The following DICER1 variants were observed in gnomAD, a reference collection of about 807,000 sequenced individuals.
The protein encoded by DICER1 is dicer 1, ribonuclease III.
DICER1 carries 43 observed loss-of-function variants against 194.1 expected under a neutral mutation model. The ratio of observed to expected loss-of-function variants is 0.22; its 90% CI spans 0.17 to 0.29. DICER1 has a LOEUF of 0.29. Among genes scored for constraint, DICER1 ranks in the 10% least tolerant of loss-of-function variants. DICER1 has a pLI of 1.00. For missense variants in DICER1, 1,608 were observed against 2,317.0 expected (o/e 0.69, Z 6.28); for synonymous variants, 832 against 820.5 (o/e 1.01, Z -0.24).
chr14:95,149,471 C>T (rs1895369002), intron 1 of DICER1, among the ~76,000 whole-genome samples: 1 of 152,148 alleles, frequency 6.6e-6, no homozygotes, highest in Non-Finnish European at 1.5e-5. Context: ...CCCTAAAAAC[C>T]TCTATCACTT....
intron 21 of DICER1, among the ~76,000 whole-genome samples, chr14:95,102,425 C>T (rs980693650): frequency 1.3e-5 from 2 of 152,212 alleles, no homozygotes; most frequent in African/African-American, 4.8e-5. Context: ...GCATTCAAGG[C>T]CTTCCACGAT....
rs558719652 is a variant in DICER1 at position 95,113,653 on chromosome 14, A to G, written c.1908-429T>C. Among the ~76,000 whole-genome samples the G allele has an allele frequency of 3.3e-5, 5 of 152,332 alleles. No individual in the cohort carries two copies. The East Asian group carries it at 9.6e-4, about 29-fold the overall frequency. Reference sequence around the variant, plus strand: ...CATTTCCCACCAACTACCAGCACACATATAAGGAAGGCATCAGCAGAGGGC... The same window carrying G: ...CATTTCCCACCAACTACCAGCACACGTATAAGGAAGGCATCAGCAGAGGGC... On this transcript the variant is annotated intron_variant, in intron 11 of 26. Transcript: ENST00000343455.
chr14:95,110,487 C>A (rs1891860053), intron 14 of DICER1, among the ~76,000 whole-genome samples: 1 of 152,142 alleles, frequency 6.6e-6, no homozygotes, highest in African/African-American at 2.4e-5. Context: ...AATGTGCCAA[C>A]CCCACATAGA....
At position 95,086,803 on chromosome 14, in the gene DICER1, T is replaced by C. The variant is rs1298529990; in HGVS notation, c.*3695A>G. On this transcript the variant is annotated 3_prime_UTR_variant, in exon 27 of 27. Transcript: ENST00000343455. The stretch of plus-strand genomic sequence containing the variant: ...TCATGTACAATATAAAATAAAGAAA[T>C]TTATCTGGAAATAATTAAATTCCTG... 4.3e-6 allele frequency: 1 copy of C among 232,302 alleles called. No homozygotes were observed. Among genetic ancestry groups the C allele is most frequent in the Non-Finnish European group, 8.5e-6 (1 of 117,618 alleles). 14.4% of individuals were successfully genotyped at this position (232,302 alleles called of 1,614,324 possible). A position where few individuals can be genotyped will look rare whatever the true frequency, so the allele number is the denominator to read the frequency against.
rs750684907 is a variant in DICER1, at chr14:95,105,641, C to T, written c.3093+37G>A. ...TCTTTAATAATCTTTAATACTCAAA[C>T]AAATACTAAGTTATGCTAGTACAAT... On this transcript the variant is annotated intron_variant, in intron 19 of 26. Transcript: ENST00000343455. This position sits in a 1 kb window ranked among gnomAD's most constrained non-coding sequence, Gnocchi z 4.9. 7.9e-6 allele frequency: 11 copies of T among 1,399,932 alleles called. No homozygotes were observed. In the East Asian group the frequency reaches 2.5e-4, roughly 32 times the overall value. 86.7% of individuals were successfully genotyped at this position (1,399,932 alleles called of 1,614,324 possible).
At chr14:95,133,557 G>T in intron 1 of DICER1, 54 bp from the exon 2 acceptor site, 2 of 1,274,678 alleles carry the variant, frequency 1.6e-6, no homozygotes, top group Non-Finnish European at 2.2e-6. Flanking sequence ...TAAAAACAAA[G>T]AAAGCACAGA....
In DICER1 at chr14:95,113,213, C is replaced by T; in HGVS notation, c.1919G>A (p.Arg640Lys). 6.2e-7 allele frequency: 1 copy of T among 1,613,950 alleles called. No homozygotes were observed. Among genetic ancestry groups the T allele is most frequent in the Non-Finnish European group, 8.5e-7 (1 of 1,179,812 alleles). ...ATGAGTAAACGGATCACTTGGTAAT[C>T]TAGCACAGTATCTGTGAAGAAAAAG... Reference protein sequence around the residue: ...AIGHINRYCARLPSDPFTHLA... With the variant: ...AIGHINRYCAKLPSDPFTHLA... The change falls in exon 12 of 27, where the codon AGA becomes AAA. Residue 640 changes from arginine (R) to lysine (K), a missense_variant. Physicochemically the swap from Arg to Lys is conservative, Grantham distance 26. Coordinates refer to ENST00000343455, the MANE Select transcript of DICER1 (RefSeq NM_177438.3).
intron 8 of DICER1, among the ~76,000 whole-genome samples, chr14:95,119,413 T>C (rs1015749812): frequency 1.3e-5 from 2 of 152,038 alleles, no homozygotes; most frequent in South Asian, 2.1e-4. Context: ...GAGAGAAAAA[T>C]GTATTTATCT....
chr14:95,107,937 G>A lies in DICER1; in HGVS notation c.2593C>T (p.Leu865=). 6.2e-7 allele frequency: 1 copy of A among 1,614,034 alleles called. No individual in the cohort carries two copies. The highest frequency in any genetic ancestry group is 8.5e-7 in the Non-Finnish European group (1 of 1,179,960). Reference sequence around the variant, plus strand: ...TCAGCGTCTGTAGGTTTAAATTCTAGTGCAGGTTTTTCAAGCCGAAGAATA... The same window carrying A: ...TCAGCGTCTGTAGGTTTAAATTCTAATGCAGGTTTTTCAAGCCGAAGAATA... ...SHILRLEKPA[L]EFKPTDADSA... The change falls in exon 16 of 27, where the codon CTA becomes TTA. Residue 865 remains leucine (L), a synonymous_variant. Transcript: ENST00000343455.
At chr14:95,107,284 G>A (rs899098486) in intron 17 of DICER1, among the ~76,000 whole-genome samples, 15 of 150,440 alleles carry the variant, frequency 1.0e-4, no homozygotes, top group Admixed American at 3.3e-4. Flanking sequence ...CAGAGTCTTG[G>A]TGTGTCTCCA....
intron 8 of DICER1, among the ~76,000 whole-genome samples, chr14:95,120,326 G>A (rs898561042): frequency 1.3e-5 from 2 of 152,162 alleles, no homozygotes; most frequent in African/African-American, 4.8e-5. Flanking sequence ...AGCGGCTGAA[G>A]AATTAGCATC....
rs186123954 is a variant in DICER1 at position 95,090,288 on chromosome 14, C to T, written c.*210G>A. On this transcript the variant is annotated 3_prime_UTR_variant, in exon 27 of 27. Transcript: ENST00000343455. The stretch of plus-strand genomic sequence containing the variant: ...AGGAAAGAAGATAAGATTGTGTTTG[C>T]GCAAAAAACTAAAACTACAATTAGT... The T allele has an allele frequency of 7.9e-5, 47 of 597,414 alleles. No homozygotes were observed. The East Asian group carries it at 1.2e-3, about 15-fold the overall frequency. The allele number at this position is 597,414 out of a possible 1,614,324, so 37.0% of individuals were successfully genotyped here.
chr14:95,095,224 G>C (rs1310131655), intron 23 of DICER1: 2 of 154,124 alleles, frequency 1.3e-5, no homozygotes, highest in Non-Finnish European at 2.9e-5. Context: ...GCTGATTTGG[G>C]TGTGAGGGGC....
chr14:95,148,977 T>C (rs1895328325), intron 1 of DICER1, among the ~76,000 whole-genome samples: 1 of 145,074 alleles, frequency 6.9e-6, no homozygotes, highest in East Asian at 1.9e-4. Flanking sequence ...CTCTGTCTAT[T>C]TACAGGCACC....
intron 11 of DICER1, among the ~76,000 whole-genome samples, chr14:95,114,430 T>C (rs1892254697): frequency 6.6e-6 from 1 of 152,078 alleles, no homozygotes; most frequent in African/African-American, 2.4e-5. Flanking sequence ...CACACTGACA[T>C]TAAAAAATGA....
intron 11 of DICER1, among the ~76,000 whole-genome samples, chr14:95,114,594 A>C (rs1243707409): frequency 6.6e-6 from 1 of 152,226 alleles, no homozygotes; most frequent in Non-Finnish European, 1.5e-5. Context: ...CTAATGAGTC[A>C]AACTGGGAAA....
At chr14:95,143,474 A>G (rs1013044918) in intron 1 of DICER1, among the ~76,000 whole-genome samples, 2 of 152,150 alleles carry the variant, frequency 1.3e-5, no homozygotes, top group African/African-American at 2.4e-5. Context: ...CCTGAAAGCC[A>G]TCTCTGAAAT....
At position 95,107,990 on chromosome 14, in the gene DICER1, G is replaced by C. The variant is rs1595380501; in HGVS notation, c.2540C>G (p.Thr847Arg). 6.2e-7 allele frequency: 1 copy of C among 1,613,362 alleles called. No homozygotes were observed. The highest frequency in any genetic ancestry group is 8.5e-7 in the Non-Finnish European group (1 of 1,179,312). Reference protein sequence around the residue: ...MLSLQMLELITRLHQYIFSHI... With the variant: ...MLSLQMLELIRRLHQYIFSHI... Reference sequence around the variant, plus strand: ...TGAGAATATATACTGGTGAAGTCTTGTAATCAACTCAAGCATTTGTAGAGA... The same window carrying C: ...TGAGAATATATACTGGTGAAGTCTTCTAATCAACTCAAGCATTTGTAGAGA... The change falls in exon 16 of 27, where the codon ACA (threonine) becomes AGA (arginine). Residue 847 changes from threonine (T) to arginine (R), a missense_variant. Coordinates refer to ENST00000343455, the MANE Select transcript of DICER1 (RefSeq NM_177438.3).
At chr14:95,094,720 C>T (rs899299462) in intron 23 of DICER1, among the ~76,000 whole-genome samples, 2 of 152,170 alleles carry the variant, frequency 1.3e-5, no homozygotes, top group Non-Finnish European at 2.9e-5. Context: ...AATGAATTTA[C>T]CACAAACCAA....
Sources: gnomAD v4.1 joint callset for allele counts (sites outside exome capture counted in the v4.1 genomes callset) on GRCh38, gnomAD v4.1.1 for gene constraint, Gnocchi (gnomAD v3.1) non-coding constraint, MANE v1.5 for transcripts, NCBI Gene and HGNC (gene_info 2026-07-23, HGNC 2026-07-21) for gene names.